CRTAC1: variants seen among roughly 807,000 people sequenced by gnomAD.
CRTAC1 encodes the protein cartilage acidic protein 1.
A neutral mutation model predicts 67.8 loss-of-function variants in CRTAC1; 37 were observed. That is an observed-to-expected ratio of 0.55 (90% CI 0.42 to 0.72). The LOEUF (loss-of-function observed/expected upper bound fraction) is 0.72, where lower values mean the gene tolerates loss of function less well. Ranked by LOEUF, CRTAC1 falls within the 30% of genes least tolerant of loss-of-function variation. The probability of loss-of-function intolerance (pLI) is 0.00; values close to 1 mark genes in which losing one functional copy is unlikely to be tolerated. For synonymous variants in CRTAC1, 348 were observed against 371.0 expected (o/e 0.94, Z 0.71); for missense variants, 780 against 931.6 (o/e 0.84, Z 2.12).
At chr10:97,971,922 G>T (rs762618657) in intron 2 of CRTAC1, among the ~76,000 whole-genome samples, 1 of 152,134 alleles carries the variant, frequency 6.6e-6, no homozygotes, top group Non-Finnish European at 1.5e-5. Context: ...GAAACGCAGG[G>T]GAGCTGGACA....
At chr10:97,891,063 C>A (rs878958374) in intron 11 of CRTAC1, among the ~76,000 whole-genome samples, 1 of 152,108 alleles carries the variant, frequency 6.6e-6, no homozygotes, top group Non-Finnish European at 1.5e-5. Flanking sequence ...TCTACTGGAA[C>A]GTAGATGGCT....
intron 8 of CRTAC1, among the ~76,000 whole-genome samples, chr10:97,899,271 TCTG>T (rs2050501064): frequency 6.6e-6 from 1 of 152,214 alleles, no homozygotes; most frequent in African/African-American, 2.4e-5. Flanking sequence ...GGAAGTGGCT[TCTG>T]CTGCTGCTGT....
intron 2 of CRTAC1, among the ~76,000 whole-genome samples, chr10:97,987,065 C>A (rs971415791): frequency 6.6e-6 from 1 of 152,078 alleles, no homozygotes; most frequent in African/African-American, 2.4e-5. Flanking sequence ...TGAAGAAATG[C>A]CAAAACAGAG....
Position 98,002,761 on chromosome 10 carries a change from C to CTTTTTTTT in CRTAC1, c.224+8369_224+8376dup, listed in dbSNP as rs531021933. Among the ~76,000 whole-genome samples, 7 of 37,296 alleles carry CTTTTTTTT rather than the reference C, an allele frequency of 1.9e-4. 2 individuals are homozygous for CTTTTTTTT. Among genetic ancestry groups the CTTTTTTTT allele is most frequent in the African/African-American group, 3.2e-4 (4 of 12,488 alleles). 24.5% of individuals were successfully genotyped at this position (37,296 alleles called of 152,430 possible). A position where few individuals can be genotyped will look rare whatever the true frequency, so the allele number is the denominator to read the frequency against. On this transcript the variant is annotated intron_variant, in intron 2 of 14. Transcript: ENST00000370597. ...TTTTAGGAATTCTTTACAAAACTCA[C>CTTTTTTTT]TTTTTTTTTTTTTTTTTTTTTTTTT...
At chr10:97,976,109 G>C (rs1011772252) in intron 2 of CRTAC1, among the ~76,000 whole-genome samples, 1 of 152,170 alleles carries the variant, frequency 6.6e-6, no homozygotes, top group Non-Finnish European at 1.5e-5. Flanking sequence ...AAGGCAGGCC[G>C]CCGCAGCGTA....
intron 2 of CRTAC1, among the ~76,000 whole-genome samples, chr10:97,996,170 T>C (rs1201690022): frequency 2.6e-5 from 4 of 151,948 alleles, no homozygotes; most frequent in Non-Finnish European, 5.9e-5. Flanking sequence ...GACATAGGCA[T>C]GGGCAAGGAC....
At chr10:97,914,920 G>A (rs187926447) in intron 5 of CRTAC1, among the ~76,000 whole-genome samples, 137 of 152,234 alleles carry the variant, frequency 9.0e-4, no homozygotes, top group African/African-American at 3.2e-3. Context: ...AGCTGGCATG[G>A]TGGCCACTAG....
intron 2 of CRTAC1, among the ~76,000 whole-genome samples, chr10:97,952,117 C>T (rs2051364664): frequency 6.6e-6 from 1 of 152,086 alleles, no homozygotes; most frequent in Non-Finnish European, 1.5e-5. Flanking sequence ...CTTTGGGAGG[C>T]CGAGGCGGGC....
At chr10:97,933,539 G>T (rs763896186) in intron 3 of CRTAC1, among the ~76,000 whole-genome samples, 1 of 152,246 alleles carries the variant, frequency 6.6e-6, no homozygotes, top group Non-Finnish European at 1.5e-5. Flanking sequence ...GCCAAAGGGG[G>T]CCACAACATG....
intron 4 of CRTAC1, among the ~76,000 whole-genome samples, chr10:97,921,244 A>G (rs1036789348): frequency 3.3e-5 from 5 of 152,154 alleles, no homozygotes; most frequent in Non-Finnish European, 5.9e-5. Context: ...ACTGAGATCC[A>G]CTGACCAGGT....
intron 9 of CRTAC1, 76 bp downstream of exon 9, chr10:97,896,833 T>TGC: frequency 2.2e-6 from 1 of 450,862 alleles, no homozygotes; most frequent in Non-Finnish European, 4.2e-6. Flanking sequence ...GGCTGCCCCG[T>TGC]CCCTCCCGCC....
intron 1 of CRTAC1, among the ~76,000 whole-genome samples, chr10:98,025,871 T>C (rs1290276232): frequency 1.3e-5 from 2 of 152,182 alleles, no homozygotes; most frequent in African/African-American, 4.8e-5. Flanking sequence ...AGAATTATCC[T>C]GGGACCCATA....
At chr10:97,965,607 AGTT>A (rs1037135351) in intron 2 of CRTAC1, among the ~76,000 whole-genome samples, 109 of 151,260 alleles carry the variant, frequency 7.2e-4, no homozygotes, top group African/African-American at 2.5e-3. Flanking sequence ...ATTGTAATGG[AGTT>A]GTTGTTTTTT....
At chr10:98,015,371 T>C (rs1250101455) in intron 1 of CRTAC1, among the ~76,000 whole-genome samples, 1 of 152,150 alleles carries the variant, frequency 6.6e-6, no homozygotes, top group Non-Finnish European at 1.5e-5. Context: ...AGTTAGTGTT[T>C]AGTGGATTAT....
chr10:97,918,162 G>C (rs1424129702), intron 4 of CRTAC1, among the ~76,000 whole-genome samples: 2 of 152,124 alleles, frequency 1.3e-5, no homozygotes, highest in African/African-American at 4.8e-5. Context: ...TCATTCCTCT[G>C]TTTTGGTAGC....
intron 1 of CRTAC1, among the ~76,000 whole-genome samples, chr10:98,017,240 C>A (rs1843016867): frequency 6.6e-6 from 1 of 152,124 alleles, no homozygotes; most frequent in African/African-American, 2.4e-5. Flanking sequence ...GAATAAAACC[C>A]AGCCTTTGCC....
At chr10:97,957,288 A>C (rs1459578139) in intron 2 of CRTAC1, among the ~76,000 whole-genome samples, 1 of 152,168 alleles carries the variant, frequency 6.6e-6, no homozygotes, top group African/African-American at 2.4e-5. Flanking sequence ...GAAGTGGGTG[A>C]TGGAGAAAGG....
intron 5 of CRTAC1, among the ~76,000 whole-genome samples, chr10:97,912,563 C>T (rs567295419): frequency 1.2e-5 from 1 of 83,216 alleles, no homozygotes; most frequent in South Asian, 3.7e-4. Flanking sequence ...GCAGACAATC[C>T]ATCTCTCAGA....
chr10:97,897,794 C>G (rs2050482476), intron 8 of CRTAC1, among the ~76,000 whole-genome samples: 1 of 152,180 alleles, frequency 6.6e-6, no homozygotes, highest in South Asian at 2.1e-4. Flanking sequence ...ATTCTCACAG[C>G]CTTGGGTGCT....
Sources: allele counts gnomAD v4.1 joint callset (sites outside exome capture counted in the v4.1 genomes callset), GRCh38; gene constraint gnomAD v4.1.1; transcripts MANE v1.5; gene names NCBI Gene and HGNC (gene_info 2026-07-23, HGNC 2026-07-21).